MAGI1: variants seen among roughly 807,000 people sequenced by gnomAD.
MAGI1 encodes the protein membrane-associated guanylate kinase, WW and PDZ domain-containing protein 1.
Under a neutral mutation model 139.9 loss-of-function variants are expected in MAGI1, and 58 were observed. The ratio of observed to expected loss-of-function variants is 0.41; its 90% CI spans 0.34 to 0.52. The LOEUF is 0.52. MAGI1 is among the 20% of genes least tolerant of loss of function. MAGI1 has a pLI of 0.12. For missense variants in MAGI1, 1,874 were observed against 1,901.6 expected (o/e 0.99, Z 0.27); for synonymous variants, 812 against 737.9 (o/e 1.10, Z -1.63).
intron 1 of MAGI1, among the ~76,000 whole-genome samples, chr3:65,760,916 A>C (rs2036972014): frequency 6.6e-6 from 1 of 152,314 alleles, no homozygotes. Flanking sequence ...TCGTAGAAAC[A>C]CTTCTTTGAA....
At chr3:65,973,416 AG>A (rs1349022693) in intron 1 of MAGI1, among the ~76,000 whole-genome samples, 1 of 152,174 alleles carries the variant, frequency 6.6e-6, no homozygotes, top group Admixed American at 6.5e-5. Flanking sequence ...CACCATTTAA[AG>A]TTCTGACTAT....
chr3:65,764,208 G>C (rs1577041804), intron 1 of MAGI1, among the ~76,000 whole-genome samples: 1 of 151,512 alleles, frequency 6.6e-6, no homozygotes, highest in South Asian at 2.1e-4. Flanking sequence ...AAAATTTCTA[G>C]TTCCACACCC....
chr3:65,440,554 T>A (rs890825844), intron 8 of MAGI1, among the ~76,000 whole-genome samples: 1 of 152,194 alleles, frequency 6.6e-6, no homozygotes, highest in African/African-American at 2.4e-5. Context: ...CCAGAACTGC[T>A]GTGTAACTGT....
rs200552136 is a variant in MAGI1 at position 65,935,456 on chromosome 3, C to CA, written c.313+102539dup. 5.4e-3 allele frequency among the ~76,000 whole-genome samples: 816 copies of CA among 151,716 alleles called. 9 individuals are homozygous for CA. The highest frequency in any genetic ancestry group is 0.018 in the African/African-American group (763 of 41,370). On this transcript the variant is annotated intron_variant, in intron 1 of 22. Transcript: ENST00000402939. ...CAAAAAAGTGAGAACCCATCTCTACCAAAAAAAATGTTTTAATTAGCTGAC... is the reference window on the plus strand; with the variant it reads ...CAAAAAAGTGAGAACCCATCTCTACCAAAAAAAAATGTTTTAATTAGCTGAC...
chr3:65,376,674 C>T (rs1349229173), intron 17 of MAGI1, among the ~76,000 whole-genome samples: 1 of 152,166 alleles, frequency 6.6e-6, no homozygotes, highest in Admixed American at 6.5e-5. Context: ...TTCATTAGCT[C>T]TGAAATCATT....
At chr3:65,449,473 T>C (rs1948884422) in intron 6 of MAGI1, among the ~76,000 whole-genome samples, 2 of 152,108 alleles carry the variant, frequency 1.3e-5, no homozygotes, top group South Asian at 4.1e-4. Context: ...AGGTGACATA[T>C]CAAAATGAAC....
At chr3:65,559,393 G>A (rs1428196372) in intron 2 of MAGI1, among the ~76,000 whole-genome samples, 1 of 152,130 alleles carries the variant, frequency 6.6e-6, no homozygotes, top group Non-Finnish European at 1.5e-5. Flanking sequence ...AAATTTCAGG[G>A]ATACTTCCAC....
intron 1 of MAGI1, among the ~76,000 whole-genome samples, chr3:65,994,282 A>AAAC (rs1433402823): frequency 2.0e-5 from 3 of 151,792 alleles, no homozygotes; most frequent in African/African-American, 7.3e-5. Context: ...TCAAAAAAAA[A>AAAC]AAAAAAAACA....
At chr3:65,669,429 T>C (rs1313118583) in intron 1 of MAGI1, among the ~76,000 whole-genome samples, 21 of 152,154 alleles carry the variant, frequency 1.4e-4, no homozygotes, top group Admixed American at 1.4e-3. Flanking sequence ...GTTAAAGCTT[T>C]GATTAACTTT....
At chr3:65,753,134 G>A (rs1279923174) in intron 1 of MAGI1, among the ~76,000 whole-genome samples, 1 of 152,152 alleles carries the variant, frequency 6.6e-6, no homozygotes, top group Admixed American at 6.5e-5. Context: ...CACCAAAGAT[G>A]GCAGAGACCG....
intron 1 of MAGI1, among the ~76,000 whole-genome samples, chr3:65,622,833 T>C (rs1396131461): frequency 1.3e-5 from 2 of 152,176 alleles, no homozygotes; most frequent in Non-Finnish European, 2.9e-5. Context: ...TCCCAAAGTG[T>C]TGGGATTACA....
intron 1 of MAGI1, among the ~76,000 whole-genome samples, chr3:65,851,950 C>G (rs929749300): frequency 2.0e-5 from 3 of 151,986 alleles, no homozygotes; most frequent in Non-Finnish European, 2.9e-5. Flanking sequence ...GAGGCAAGAA[C>G]GGGGGAAGAA....
chr3:65,515,864 C>G (rs1425889736), intron 2 of MAGI1, among the ~76,000 whole-genome samples: 1 of 152,212 alleles, frequency 6.6e-6, no homozygotes, highest in Non-Finnish European at 1.5e-5. Flanking sequence ...CTGGCACTTA[C>G]ATGCTTCAGG....
intron 2 of MAGI1, among the ~76,000 whole-genome samples, chr3:65,585,109 T>A: frequency 6.6e-6 from 1 of 152,338 alleles, no homozygotes; most frequent in Non-Finnish European, 1.5e-5. Context: ...AGACCATTTA[T>A]AGATGAGGTA....
intron 1 of MAGI1, among the ~76,000 whole-genome samples, chr3:65,775,402 T>C (rs1048182529): frequency 1.3e-5 from 2 of 150,022 alleles, no homozygotes; most frequent in African/African-American, 4.9e-5. Flanking sequence ...TAAGCCTAGA[T>C]TGTGCCATTG....
At chr3:65,405,630 T>A (rs1201070342) in intron 12 of MAGI1, among the ~76,000 whole-genome samples, 1 of 152,052 alleles carries the variant, frequency 6.6e-6, no homozygotes, top group Non-Finnish European at 1.5e-5. Flanking sequence ...AGTCTCCTTC[T>A]GTTGCCCAGG....
At chr3:65,441,936 T>C (rs920787916) in intron 8 of MAGI1, among the ~76,000 whole-genome samples, 30 of 152,292 alleles carry the variant, frequency 2.0e-4, no homozygotes, top group African/African-American at 7.2e-4. Flanking sequence ...ACCAGCAGCA[T>C]AAAGGAAAGA....
intron 1 of MAGI1, among the ~76,000 whole-genome samples, chr3:65,814,322 ACC>A (rs2041468648): frequency 6.6e-6 from 1 of 152,184 alleles, no homozygotes; most frequent in Admixed American, 6.5e-5. Context: ...AATGGTGTTT[ACC>A]TCAATGACTG....
intron 12 of MAGI1, among the ~76,000 whole-genome samples, chr3:65,427,201 A>C (rs1050483693): frequency 7.9e-5 from 12 of 152,272 alleles, no homozygotes; most frequent in Admixed American, 6.5e-4. Context: ...AGTCTCAGCT[A>C]CTTGGGGGGC....
Sources: gnomAD v4.1 joint callset for allele counts (sites outside exome capture counted in the v4.1 genomes callset) on GRCh38, gnomAD v4.1.1 for gene constraint, MANE v1.5 for transcripts, NCBI Gene and HGNC (gene_info 2026-07-23, HGNC 2026-07-21) for gene names.